Variants in LRP1 observed in about 807,000 individuals in gnomAD.
LRP1 encodes the protein prolow-density lipoprotein receptor-related protein 1.
LRP1 carries 51 observed loss-of-function variants against 541.5 expected under a neutral mutation model. The ratio of observed to expected loss-of-function variants is 0.09; its 90% CI spans 0.08 to 0.12. The LOEUF is 0.12. LRP1 is among the 10% of genes least tolerant of loss of function. LRP1 has a pLI of 1.00. For missense variants in LRP1, 3,878 were observed against 6,376.2 expected (o/e 0.61, Z 13.34); for synonymous variants, 2,219 against 2,470.8 (o/e 0.90, Z 3.02).
chr12:57,193,755 T>A, intron 47 of LRP1, 70 bp downstream of exon 47: 1 of 1,612,400 alleles, frequency 6.2e-7, no homozygotes, highest in Non-Finnish European at 8.5e-7. Flanking sequence ...GGCCAAGCTT[T>A]GTCCCTGGGC....
In LRP1 at chr12:57,206,475, T is replaced by C; in HGVS notation, c.11593T>C (p.Ser3865Pro). The change falls in exon 76 of 89, where the codon TCT becomes CCT. Residue 3865 changes from serine to proline, a missense_variant and splice_region_variant. By Grantham distance (74) the Ser-to-Pro change is moderately conservative. Transcript: ENST00000243077. This position sits in a 1 kb window ranked among gnomAD's most constrained non-coding sequence, Gnocchi z 4.7. ...KTHNTCKAEGSEYQVLYIADD... is the reference protein window; with the variant it reads ...KTHNTCKAEGPEYQVLYIADD... Reference sequence around the variant, plus strand: ...GCCCTGGCCTCTTGCTTCTCCAGGCTCTGAGTACCAGGTCCTGTACATCGC... The same window carrying C: ...GCCCTGGCCTCTTGCTTCTCCAGGCCCTGAGTACCAGGTCCTGTACATCGC... The C allele has an allele frequency of 6.2e-7, 1 of 1,613,798 alleles. No homozygotes were observed.
rs371748654 is a variant in LRP1 at position 57,208,844 on chromosome 12, C to T, written c.12145+27C>T. ...TTTGTGGGGCAGGGTGCAGGAGGGACGGGCATGGAGGGGGCCCGGCTCGCA... is the reference window on the plus strand; with the variant it reads ...TTTGTGGGGCAGGGTGCAGGAGGGATGGGCATGGAGGGGGCCCGGCTCGCA... On this transcript the variant is annotated intron_variant, in intron 78 of 88. Transcript: ENST00000243077. 1.8e-3 allele frequency: 2,862 copies of T among 1,579,324 alleles called. 7 individuals carry two copies. Among genetic ancestry groups the T allele is most frequent in the Non-Finnish European group, 2.3e-3 (2,599 of 1,149,592 alleles).
rs761900805 is a variant in LRP1, at chr12:57,161,087, C to T, written c.2174C>T (p.Thr725Met). ...WVDAFYDRIE[T>M]ILLNGTDRKI... ...GATGCCTTCTACGACCGCATCGAGA[C>T]GATACTGCTCAATGGCACAGACCGG... Residue 725 changes from threonine to methionine, a missense_variant, in exon 13 of 89, where the codon ACG (threonine) becomes ATG (methionine). Physicochemically the swap from Thr to Met is moderately conservative, Grantham distance 81. Transcript: ENST00000243077. The T allele has an allele frequency of 2.2e-5, 35 of 1,613,416 alleles. No homozygotes were observed. The East Asian group carries it at 2.7e-4, about 12-fold the overall frequency.
chr12:57,182,393 C>G (rs777917689), intron 34 of LRP1, among the ~76,000 whole-genome samples: 3 of 152,098 alleles, frequency 2.0e-5, no homozygotes, highest in Middle Eastern at 3.4e-3. Flanking sequence ...CACCTGTAAT[C>G]CCAGCTACTC....
intron 68 of LRP1, 56 bp downstream of exon 68, chr12:57,202,593 T>C (rs2036680822): frequency 1.0e-5 from 13 of 1,285,952 alleles, no homozygotes; most frequent in Non-Finnish European, 1.3e-5. Flanking sequence ...GGCCCTTGTC[T>C]CGCGGCCCTC....
In LRP1 at chr12:57,210,082, A is replaced by C; in HGVS notation, c.12493A>C (p.Ser4165Arg). Reference protein sequence around the residue: ...KCEWLCLLSPSGPVCTCPNGK... With the variant: ...KCEWLCLLSPRGPVCTCPNGK... ...CGAGTGGCTCTGCCTGCTGAGCCCC[A>C]GTGGGCCTGTCTGCACCTGTCCCAA... The change falls in exon 81 of 89, where the codon AGT (serine) becomes CGT (arginine). Residue 4165 changes from serine to arginine, a missense_variant. Transcript: ENST00000243077. 6.2e-7 allele frequency: 1 copy of C among 1,613,618 alleles called. No individual in the cohort carries two copies. The highest frequency in any genetic ancestry group is 8.5e-7 in the Non-Finnish European group (1 of 1,179,786).
intron 20 of LRP1, among the ~76,000 whole-genome samples, chr12:57,172,290 C>T (rs980892961): frequency 1.3e-5 from 2 of 152,134 alleles, no homozygotes. Flanking sequence ...CTGCCTCAGC[C>T]TCCCAAGTAG....
intron 55 of LRP1, among the ~76,000 whole-genome samples, 196 bp downstream of exon 55, chr12:57,196,473 T>C (rs1316358611): frequency 6.6e-6 from 1 of 151,942 alleles, no homozygotes; most frequent in Non-Finnish European, 1.5e-5. Flanking sequence ...AGATATGCAG[T>C]GTGAGAGGAA....
At chr12:57,187,202 C>A (rs907692574) in intron 41 of LRP1, 65 bp from the exon 42 acceptor site, 2 of 1,523,222 alleles carry the variant, frequency 1.3e-6, no homozygotes, top group South Asian at 1.2e-5. Context: ...GGCTGTCCCC[C>A]ACGGCTCCTG....
Position 57,166,121 on chromosome 12 carries a change from G to A in LRP1, c.2709G>A (p.Glu903=). 2 of 1,614,214 alleles carry A rather than the reference G, an allele frequency of 1.2e-6. No individual in the cohort carries two copies. Among genetic ancestry groups the A allele is most frequent in the Non-Finnish European group, 1.7e-6 (2 of 1,180,044 alleles). ...HTCPSDRFKC[E]NNRCIPNRWL... is the part of the protein sequence containing the mutation. ...GCCCCTCGGACCGATTCAAGTGCGAGAACAACCGGTGCATCCCCAACCGCT... is the reference window on the plus strand; with the variant it reads ...GCCCCTCGGACCGATTCAAGTGCGAAAACAACCGGTGCATCCCCAACCGCT... Residue 903 remains glutamate, a synonymous_variant, in exon 17 of 89, where the codon GAG becomes GAA. Transcript: ENST00000243077.
rs1377712986 is a variant in LRP1 at position 57,211,018 on chromosome 12, C to T, written c.12916+139C>T. The T allele has an allele frequency of 2.6e-5, 36 of 1,397,114 alleles. No individual in the cohort carries two copies. The highest frequency in any genetic ancestry group is 4.2e-5 in the Admixed American group (2 of 47,226). The allele number at this position is 1,397,114 out of a possible 1,614,324, so 86.5% of individuals were successfully genotyped here. ...AGGCCTTATGCAGCTGAGCCAGGCC[C>T]AAGCTGCTGGCGCTTCCCCACAAAG... On this transcript the variant is annotated intron_variant, in intron 83 of 88. Transcript: ENST00000243077. The surrounding 1 kb of genome is among the most constrained non-coding windows in gnomAD (Gnocchi z 4.3).
chr12:57,194,228 G>A lies in LRP1; in HGVS notation c.7919-126G>A, dbSNP rs900182351. ...GGGCAGTGAGCAGATGGTGCAGACA[G>A]TGCCCCACCAGAAGGGCACCGTTCA... On this transcript the variant is annotated intron_variant, in intron 48 of 88. Coordinates refer to ENST00000243077, the MANE Select transcript of LRP1 (RefSeq NM_002332.3). 3.9e-5 allele frequency: 45 copies of A among 1,153,344 alleles called. No individual in the cohort carries two copies. The East Asian group carries it at 1.1e-3, about 29-fold the overall frequency. 71.4% of individuals were successfully genotyped at this position (1,153,344 alleles called of 1,614,324 possible).
At chr12:57,141,549 G>A in intron 3 of LRP1, 38 bp downstream of exon 3, 6 of 1,613,354 alleles carry the variant, frequency 3.7e-6, no homozygotes, top group Non-Finnish European at 5.1e-6. Context: ...CCGTCTGGAT[G>A]CAGCATATTA....
At position 57,201,494 on chromosome 12, in the gene LRP1, C is replaced by T; in HGVS notation, c.10346-3C>T. On this transcript the variant is annotated splice_polypyrimidine_tract_variant and splice_region_variant and intron_variant, in intron 65 of 88. Coordinates refer to ENST00000243077, the MANE Select transcript of LRP1 (RefSeq NM_002332.3). The surrounding 1 kb of genome is among the most constrained non-coding windows in gnomAD (Gnocchi z 6.4). Reference sequence around the variant, plus strand: ...GGCCCTCATTCTCTTGCCCACCCCACAGCCGAGGTGACCTGCGCCCCCAAC... The same window carrying T: ...GGCCCTCATTCTCTTGCCCACCCCATAGCCGAGGTGACCTGCGCCCCCAAC... 6.2e-7 allele frequency: 1 copy of T among 1,609,560 alleles called. No individual in the cohort carries two copies. The highest frequency in any genetic ancestry group is 8.5e-7 in the Non-Finnish European group (1 of 1,177,066).
intron 22 of LRP1, among the ~76,000 whole-genome samples, chr12:57,174,820 G>C (rs925913354): frequency 2.0e-5 from 3 of 152,172 alleles, no homozygotes; most frequent in African/African-American, 7.2e-5. Flanking sequence ...AAAGAGATGA[G>C]GTTGGGGGAG....
intron 55 of LRP1, 82 bp from the exon 56 acceptor site, chr12:57,196,900 A>C: frequency 8.2e-7 from 1 of 1,222,888 alleles, no homozygotes; most frequent in Non-Finnish European, 1.2e-6. Flanking sequence ...GGTAGAGGGA[A>C]TTGGAGTCTC....
rs1478835652 is a variant in LRP1, at chr12:57,156,812, A to G, written c.1453A>G (p.Lys485Glu). 1 of 1,609,706 alleles carries G rather than the reference A, an allele frequency of 6.2e-7. No individual in the cohort carries two copies. The highest frequency in any genetic ancestry group is 1.7e-5 in the Admixed American group (1 of 59,950). The change falls in exon 10 of 89, where the codon AAG (lysine) becomes GAG (glutamate). Residue 485 changes from lysine (K) to glutamate (E), a missense_variant. Physicochemically the swap from Lys to Glu is moderately conservative, Grantham distance 56. Transcript: ENST00000243077. This position sits in a 1 kb window ranked among gnomAD's most constrained non-coding sequence, Gnocchi z 5.2. ...SHACENDQYGKPGGCSDICLL... is the reference protein window; with the variant it reads ...SHACENDQYGEPGGCSDICLL... ...TGCCTGTGAAAACGACCAGTATGGG[A>G]AGCCGGGTGGCTGCTCTGACATCTG...
chr12:57,200,077 A>G lies in LRP1; in HGVS notation c.10014+52A>G, dbSNP rs1177224310. On this transcript the variant is annotated intron_variant, in intron 62 of 88. Transcript: ENST00000243077. ...CCAGTGCCCGCTCCCCAACCCCCAA[A>G]TCCTCCTTGGACCCCAACACCTGCT... 4 of 1,468,960 alleles carry G rather than the reference A, an allele frequency of 2.7e-6. No individual in the cohort carries two copies. In the African/African-American group the frequency reaches 4.3e-5, roughly 16 times the overall value. The allele number at this position is 1,468,960 out of a possible 1,614,324, so 91.0% of individuals were successfully genotyped here. A position where few individuals can be genotyped will look rare whatever the true frequency, so the allele number is the denominator to read the frequency against.
chr12:57,206,620 G>A lies in LRP1; in HGVS notation c.11738G>A (p.Arg3913His), dbSNP rs766814327. ...ATGGATGTCCATGTCAAGGCTGGCC[G>A]TGTCTATTGGACCAACTGGCACACG... ...DAMDVHVKAG[R>H]VYWTNWHTGT... Residue 3913 changes from arginine to histidine, a missense_variant, in exon 76 of 89, where the codon CGT becomes CAT. Physicochemically the swap from Arg to His is conservative, Grantham distance 29. Transcript: ENST00000243077. The surrounding 1 kb of genome is among the most constrained non-coding windows in gnomAD (Gnocchi z 4.7). The A allele has an allele frequency of 5.5e-5, 88 of 1,614,046 alleles. No homozygotes were observed. The highest frequency in any genetic ancestry group is 8.9e-5 in the East Asian group (4 of 44,898).
Sources: gnomAD v4.1 joint callset for allele counts (sites outside exome capture counted in the v4.1 genomes callset) on GRCh38, gnomAD v4.1.1 for gene constraint, Gnocchi (gnomAD v3.1) non-coding constraint, MANE v1.5 for transcripts, NCBI Gene and HGNC (gene_info 2026-07-23, HGNC 2026-07-21) for gene names.